Variants in THEM6 observed in about 807,000 individuals in gnomAD.
The protein encoded by THEM6 is protein THEM6.
In THEM6, 10 loss-of-function variants were observed where a neutral mutation model predicts 13.7. That is an observed-to-expected ratio of 0.73 (90% CI 0.45 to 1.24). The LOEUF (loss-of-function observed/expected upper bound fraction) is 1.24, where lower values mean the gene tolerates loss of function less well. Among genes scored for constraint, THEM6 ranks in the 50% most tolerant of loss-of-function variants. The pLI is 0.00. For missense variants in THEM6, 317 were observed against 312.6 expected, an observed-to-expected ratio of 1.01 and a Z score of -0.11; for synonymous variants, 161 against 156.0, an observed-to-expected ratio of 1.03 and a Z score of -0.24.
At chr8:142,731,078 C>T (rs1490551809) in intron 1 of THEM6, among the ~76,000 whole-genome samples, 13 of 152,174 alleles carry the variant, frequency 8.5e-5, no homozygotes, top group Admixed American at 7.9e-4. Context: ...ATTATTTATT[C>T]AATTTTAATG....
chr8:142,731,689 C>T (rs1422221896), intron 1 of THEM6, among the ~76,000 whole-genome samples: 1 of 152,204 alleles, frequency 6.6e-6, no homozygotes. Flanking sequence ...TCCCCTGCTT[C>T]CTTCTTCCCT....
Position 142,735,570 on chromosome 8 carries a change from C to T in THEM6, c.*131C>T, listed in dbSNP as rs1034002735. 53 of 680,722 alleles carry T rather than the reference C, an allele frequency of 7.8e-5. 1 individual carries two copies. Among genetic ancestry groups the T allele is most frequent in the Non-Finnish European group, 1.3e-4 (52 of 385,254 alleles). The allele number at this position is 680,722 out of a possible 1,614,324, so 42.2% of individuals were successfully genotyped here. Reference sequence around the variant, plus strand: ...CCAGCCTGGCCCACCCTGCTCCACCCACTGGGCCCCCCCAGTTATTGATAC... The same window carrying T: ...CCAGCCTGGCCCACCCTGCTCCACCTACTGGGCCCCCCCAGTTATTGATAC... On this transcript the variant is annotated 3_prime_UTR_variant, in exon 2 of 2. Transcript: ENST00000336138.
chr8:142,727,267 GGCGGGCACCGTAACCAGCGCC>G lies in THEM6; in HGVS notation c.-75_-55del. On this transcript the variant is annotated 5_prime_UTR_variant, in exon 1 of 2. Coordinates refer to ENST00000336138, the MANE Select transcript of THEM6 (RefSeq NM_016647.3). ...GCGCTCGTGAGTTCCCAGGAGGCCT[GGCGGGCACCGTAACCAGCGCC>G]GCGGACACCGGCACCGGCGCCACGG... is the stretch of plus-strand genomic sequence containing the variant. The G allele has an allele frequency of 7.4e-7, 1 of 1,349,240 alleles. No homozygotes were observed. Among genetic ancestry groups the G allele is most frequent in the Non-Finnish European group, 9.6e-7 (1 of 1,046,352 alleles). 83.6% of individuals were successfully genotyped at this position (1,349,240 alleles called of 1,614,324 possible).
intron 1 of THEM6, among the ~76,000 whole-genome samples, chr8:142,729,504 C>G (rs1815598935): frequency 1.3e-5 from 2 of 152,214 alleles, no homozygotes; most frequent in South Asian, 4.1e-4. Context: ...TGTTTTAGAT[C>G]TCTTATTTTT....
rs1554642540 is a variant in THEM6 at position 142,727,788 on chromosome 8, C to T, written c.442C>T (p.Leu148=). 15 of 1,468,880 alleles carry T rather than the reference C, an allele frequency of 1.0e-5. No homozygotes were observed. Among genetic ancestry groups the T allele is most frequent in the Non-Finnish European group, 1.3e-5 (15 of 1,118,942 alleles). The allele number at this position is 1,468,880 out of a possible 1,614,324, so 91.0% of individuals were successfully genotyped here. The change falls in exon 1 of 2, where the codon CTG becomes TTG. Residue 148 remains leucine, a synonymous_variant. Transcript: ENST00000336138. ...VSLRDGFVCA[L]LRFRQHLLGT... ...CCTGCGGGACGGCTTCGTGTGCGCGCTGCTGCGCTTCCGGCAGCACCTGCT... is the reference window on the plus strand; with the variant it reads ...CCTGCGGGACGGCTTCGTGTGCGCGTTGCTGCGCTTCCGGCAGCACCTGCT...
chr8:142,732,186 A>G (rs1815662049), intron 1 of THEM6, among the ~76,000 whole-genome samples: 1 of 97,242 alleles, frequency 1.0e-5, no homozygotes, highest in East Asian at 2.9e-4. Context: ...ATATATATAT[A>G]TATATATATA....
At position 142,735,813 on chromosome 8, in the gene THEM6, G is replaced by A. The variant is rs1054818580; in HGVS notation, c.*374G>A. On this transcript the variant is annotated 3_prime_UTR_variant, in exon 2 of 2. Transcript: ENST00000336138. ...AGATCCTGGCTCGGACCACTGCAAG[G>A]GCCGAGGCAGGGCCAGACCAGAGCA... 4.5e-5 allele frequency: 11 copies of A among 243,246 alleles called. No homozygotes were observed. In the East Asian group the frequency reaches 9.6e-4, roughly 21 times the overall value. The allele number at this position is 243,246 out of a possible 1,614,324, so 15.1% of individuals were successfully genotyped here.
chr8:142,732,161 A>AATATATATAT (rs59428096), intron 1 of THEM6, among the ~76,000 whole-genome samples: 544 of 37,024 alleles, frequency 0.015, 36 homozygotes, highest in Non-Finnish European at 0.024. Flanking sequence ...GGGAGTTTTG[A>AATATATATAT]ATATATATAT....
chr8:142,732,864 A>C (rs1815683262), intron 1 of THEM6, among the ~76,000 whole-genome samples: 1 of 152,168 alleles, frequency 6.6e-6, no homozygotes, highest in African/African-American at 2.4e-5. Context: ...AGGAGAATGT[A>C]GCCCTGTACG....
At chr8:142,732,901 T>G (rs769584890) in intron 1 of THEM6, among the ~76,000 whole-genome samples, 2 of 152,200 alleles carry the variant, frequency 1.3e-5, no homozygotes, top group Non-Finnish European at 2.9e-5. Context: ...TTTGAAATGC[T>G]TGTTCCCCGG....
At position 142,736,048 on chromosome 8, in the gene THEM6, TC is replaced by T. The variant is rs3832574; in HGVS notation, c.*613del. 9,078 of 152,890 alleles carry T rather than the reference TC, an allele frequency of 0.059. 311 individuals carry two copies. Among genetic ancestry groups the T allele is most frequent in the East Asian group, 0.083 (430 of 5,182 alleles). 9.5% of individuals were successfully genotyped at this position (152,890 alleles called of 1,614,324 possible). A position where few individuals can be genotyped will look rare whatever the true frequency, so the allele number is the denominator to read the frequency against. On this transcript the variant is annotated 3_prime_UTR_variant, in exon 2 of 2. Coordinates refer to ENST00000336138, the MANE Select transcript of THEM6 (RefSeq NM_016647.3). ...CTGACAGAGGACGGGGCACCCGGGC[TC>T]CCCACTGCAGTCGGCCTTGCCTCCT... is the stretch of plus-strand genomic sequence containing the variant.
chr8:142,735,493 C>A lies in THEM6; in HGVS notation c.*54C>A. 1 of 1,319,532 alleles carries A rather than the reference C, an allele frequency of 7.6e-7. No homozygotes were observed. The highest frequency in any genetic ancestry group is 1.1e-6 in the Non-Finnish European group (1 of 940,078). 81.7% of individuals were successfully genotyped at this position (1,319,532 alleles called of 1,614,324 possible). A position where few individuals can be genotyped will look rare whatever the true frequency, so the allele number is the denominator to read the frequency against. On this transcript the variant is annotated 3_prime_UTR_variant, in exon 2 of 2. Transcript: ENST00000336138. ...CACCATCCTGGGCCTGGGGGCTGCCCACAGATGGGCAGTCTCAGCCATACT... is the reference window on the plus strand; with the variant it reads ...CACCATCCTGGGCCTGGGGGCTGCCAACAGATGGGCAGTCTCAGCCATACT...
chr8:142,731,663 C>G (rs1407246643), intron 1 of THEM6, among the ~76,000 whole-genome samples: 6 of 152,258 alleles, frequency 3.9e-5, no homozygotes, highest in African/African-American at 2.4e-5. Context: ...TCTCTTCTCT[C>G]TCTTCACTCT....
At chr8:142,727,985 G>A (rs1815551170) in intron 1 of THEM6, 126 bp downstream of exon 1, 1 of 1,114,802 alleles carries the variant, frequency 9.0e-7, no homozygotes, top group African/African-American at 1.6e-5. Context: ...TACTGCTGGA[G>A]TCCTGCCTCT....
intron 1 of THEM6, among the ~76,000 whole-genome samples, chr8:142,731,807 T>C (rs1375676781): frequency 6.6e-6 from 1 of 152,048 alleles, no homozygotes; most frequent in Non-Finnish European, 1.5e-5. Context: ...CCTTTTTACT[T>C]TTTTTCCCCT....
chr8:142,734,046 G>A (rs1225618188), intron 1 of THEM6, among the ~76,000 whole-genome samples: 1 of 152,220 alleles, frequency 6.6e-6, no homozygotes, highest in Non-Finnish European at 1.5e-5. Context: ...GATCATAAAT[G>A]TTTCTTGTCG....
At position 142,727,518 on chromosome 8, in the gene THEM6, G is replaced by C. The variant is rs1239146924; in HGVS notation, c.172G>C (p.Asp58His). Residue 58 changes from aspartate to histidine, a missense_variant, in exon 1 of 2, where the codon GAC becomes CAC. Asp to His is a moderately conservative substitution (Grantham distance 81). Coordinates refer to ENST00000336138, the MANE Select transcript of THEM6 (RefSeq NM_016647.3). The part of the protein sequence containing the change: ...QRFPGRVLPS[D>H]LDLLLHMNNA... ...CTTCCCGGGCCGCGTGCTGCCCTCG[G>C]ACTTGGACCTGCTGCTGCACATGAA... 2 of 1,579,866 alleles carry C rather than the reference G, an allele frequency of 1.3e-6. No homozygotes were observed. The highest frequency in any genetic ancestry group is 1.7e-6 in the Non-Finnish European group (2 of 1,171,402).
intron 1 of THEM6, among the ~76,000 whole-genome samples, chr8:142,731,998 C>T (rs1261131062): frequency 6.0e-5 from 9 of 150,758 alleles, no homozygotes; most frequent in Non-Finnish European, 1.3e-4. Flanking sequence ...TTCTGACTTC[C>T]TCTCCTAGTT....
At position 142,735,463 on chromosome 8, in the gene THEM6, C is replaced by T; in HGVS notation, c.*24C>T. ...GACCGCCACCTTCACACCGTCTGCC[C>T]TGGCCACCATCCTGGGCCTGGGGGC... On this transcript the variant is annotated 3_prime_UTR_variant, in exon 2 of 2. Coordinates refer to ENST00000336138, the MANE Select transcript of THEM6 (RefSeq NM_016647.3). The T allele has an allele frequency of 6.6e-7, 1 of 1,522,882 alleles. No individual in the cohort carries two copies. Among genetic ancestry groups the T allele is most frequent in the East Asian group, 2.4e-5 (1 of 41,032 alleles). The allele number at this position is 1,522,882 out of a possible 1,614,324, so 94.3% of individuals were successfully genotyped here.
Sources: gnomAD v4.1 joint callset for allele counts (sites outside exome capture counted in the v4.1 genomes callset) on GRCh38, gnomAD v4.1.1 for gene constraint, MANE v1.5 for transcripts, NCBI Gene and HGNC (gene_info 2026-07-23, HGNC 2026-07-21) for gene names.